LRP2: variants seen among roughly 807,000 people sequenced by gnomAD.
LRP2 encodes the protein LDL receptor related protein 2.
In LRP2, 172 loss-of-function variants were observed where a neutral mutation model predicts 531.0. That is an observed-to-expected ratio of 0.32 (90% CI 0.29 to 0.37). LRP2 has a LOEUF of 0.37. LRP2 is among the 10% of genes least tolerant of loss of function. The probability of loss-of-function intolerance (pLI) is 1.00; values close to 1 mark genes in which losing one functional copy is unlikely to be tolerated. For missense variants in LRP2, 5,167 were observed against 5,868.3 expected (o/e 0.88, Z 3.90); for synonymous variants, 1,992 against 2,027.6 (o/e 0.98, Z 0.47).
intron 53 of LRP2, among the ~76,000 whole-genome samples, chr2:169,176,797 A>G (rs994232299): frequency 2.6e-5 from 4 of 152,226 alleles, no homozygotes; most frequent in African/African-American, 9.6e-5. Context: ...GCTCATTTAT[A>G]TGCTACCAGA....
chr2:169,154,732 C>T, intron 65 of LRP2, 129 bp from the exon 66 acceptor site: 1 of 808,672 alleles, frequency 1.2e-6, no homozygotes, highest in Non-Finnish European at 2.1e-6. Flanking sequence ...ATCTGACTAT[C>T]TCTGTTAATC....
intron 72 of LRP2, among the ~76,000 whole-genome samples, chr2:169,140,015 C>G (rs1224842373): frequency 6.6e-6 from 1 of 152,220 alleles, no homozygotes; most frequent in Non-Finnish European, 1.5e-5. Context: ...CATCTTCTTT[C>G]CGAATCCATC....
chr2:169,327,907 C>T, intron 1 of LRP2, among the ~76,000 whole-genome samples: 1 of 94,414 alleles, frequency 1.1e-5, no homozygotes, highest in Non-Finnish European at 2.2e-5. Flanking sequence ...CCCCGCCCGG[C>T]CAGCCGCCCC....
At chr2:169,210,305 G>C (rs1688549616) in intron 37 of LRP2, among the ~76,000 whole-genome samples, 1 of 151,778 alleles carries the variant, frequency 6.6e-6, no homozygotes, top group African/African-American at 2.4e-5. Context: ...CCAAAATTAA[G>C]AAGGAAAAAA....
At chr2:169,257,441 G>C (rs926468903) in intron 17 of LRP2, among the ~76,000 whole-genome samples, 192 bp from the exon 18 acceptor site, 1 of 152,022 alleles carries the variant, frequency 6.6e-6, no homozygotes, top group Non-Finnish European at 1.5e-5. Flanking sequence ...TGTAACCAAA[G>C]TCACAAATAC....
rs1574088087 is a variant in LRP2, at chr2:169,165,990, A to G, written c.11700T>C (p.His3900=). The change falls in exon 62 of 79, where the codon CAT becomes CAC. Residue 3900 remains histidine, a synonymous_variant. Coordinates refer to ENST00000649046, the MANE Select transcript of LRP2 (RefSeq NM_004525.3). ...RCDNNRCIYS[H]EVCNGVDDCG... is the part of the protein sequence containing the mutation. ...AGTCATCCACACCATTGCACACCTCATGACTATAAATGCAGCGATTGTTGT... is the reference window on the plus strand; with the variant it reads ...AGTCATCCACACCATTGCACACCTCGTGACTATAAATGCAGCGATTGTTGT... The G allele has an allele frequency of 6.2e-7, 1 of 1,612,548 alleles. No homozygotes were observed. Among genetic ancestry groups the G allele is most frequent in the Non-Finnish European group, 8.5e-7 (1 of 1,178,598 alleles).
At chr2:169,136,957 T>C (rs558664887) in intron 76 of LRP2, among the ~76,000 whole-genome samples, 13 of 152,228 alleles carry the variant, frequency 8.5e-5, no homozygotes, top group Non-Finnish European at 1.8e-4. Context: ...AACCACATGC[T>C]TGGGATAGCA....
intron 66 of LRP2, among the ~76,000 whole-genome samples, chr2:169,153,928 G>C (rs1309330718): frequency 6.6e-6 from 1 of 152,198 alleles, no homozygotes; most frequent in Non-Finnish European, 1.5e-5. Context: ...TAGGCATTTA[G>C]AGATAAATTA....
chr2:169,278,395 G>C (rs113568043), intron 12 of LRP2, among the ~76,000 whole-genome samples: 5,615 of 152,048 alleles, frequency 0.037, 230 homozygotes, highest in African/African-American at 0.11. Context: ...GAGGTGGGAG[G>C]ATTGCTTGAG....
intron 13 of LRP2, 86 bp from the exon 14 acceptor site, chr2:169,275,324 T>A: frequency 1.0e-6 from 1 of 987,778 alleles, no homozygotes; most frequent in Non-Finnish European, 1.6e-6. Context: ...ATTAAATGCC[T>A]GAAAAGCTAA....
At chr2:169,169,381 G>C (rs892672710) in intron 60 of LRP2, among the ~76,000 whole-genome samples, 1 of 152,118 alleles carries the variant, frequency 6.6e-6, no homozygotes, top group Admixed American at 6.5e-5. Flanking sequence ...TAATGTATTC[G>C]TTGCTTGAAT....
chr2:169,236,157 T>A, intron 28 of LRP2, 89 bp from the exon 29 acceptor site: 1 of 946,202 alleles, frequency 1.1e-6, no homozygotes, highest in Non-Finnish European at 1.7e-6. Flanking sequence ...ATCCTGTTTA[T>A]GCCCTGCTTA....
Position 169,243,386 on chromosome 2 carries a change from G to T in LRP2, c.3550+17C>A. 1.9e-6 allele frequency: 3 copies of T among 1,613,688 alleles called. No individual in the cohort carries two copies. The highest frequency in any genetic ancestry group is 2.5e-6 in the Non-Finnish European group (3 of 1,179,798). The stretch of plus-strand genomic sequence containing the variant: ...CTAAATAAACATTGTGAATAAAAAA[G>T]AAGGCAATGCACTTACCACAACCAA... On this transcript the variant is annotated intron_variant, in intron 23 of 78. Transcript: ENST00000649046.
intron 18 of LRP2, 62 bp downstream of exon 18, chr2:169,257,062 G>C: frequency 2.5e-6 from 4 of 1,598,860 alleles, no homozygotes; most frequent in Non-Finnish European, 3.4e-6. Flanking sequence ...CACCCAACCT[G>C]CCTCATTATG....
At position 169,233,475 on chromosome 2, in the gene LRP2, A is replaced by G. The variant is rs754908726; in HGVS notation, c.5034T>C (p.Val1678=). ...ANKWHGGNQS[V]VMYNIQWPLG... ...GGGGCCATTGAATATTATACATTAC[A>G]ACTGACTGGTTCCCTCCATGCCACT... Residue 1678 remains valine (V), a synonymous_variant, in exon 30 of 79, where the codon GTT becomes GTC. Transcript: ENST00000649046. 8.7e-6 allele frequency: 14 copies of G among 1,614,186 alleles called. No homozygotes were observed. The East Asian group carries it at 2.2e-4, about 26-fold the overall frequency.
chr2:169,236,613 CA>C (rs1488230841), intron 28 of LRP2, among the ~76,000 whole-genome samples: 1 of 152,054 alleles, frequency 6.6e-6, no homozygotes, highest in East Asian at 1.9e-4. Flanking sequence ...CAAAGATTTC[CA>C]AACACATGGG....
chr2:169,320,138 C>T (rs1033418296), intron 2 of LRP2, among the ~76,000 whole-genome samples: 12 of 152,132 alleles, frequency 7.9e-5, no homozygotes, highest in African/African-American at 2.7e-4. Flanking sequence ...CTTAACTTCT[C>T]CGAGTCTCAA....
At chr2:169,337,041 C>T (rs2105549530) in intron 1 of LRP2, among the ~76,000 whole-genome samples, 1 of 152,258 alleles carries the variant, frequency 6.6e-6, no homozygotes, top group African/African-American at 2.4e-5. Context: ...CCCACCTCCG[C>T]CTGACTTCCC....
At chr2:169,205,685 G>T in intron 40 of LRP2, 48 bp from the exon 41 acceptor site, 10 of 1,485,338 alleles carry the variant, frequency 6.7e-6, no homozygotes, top group Non-Finnish European at 9.3e-6. Context: ...GAACCTCATA[G>T]TCCTTTAAAA....
Sources: gnomAD v4.1 joint callset for allele counts (sites outside exome capture counted in the v4.1 genomes callset) on GRCh38, gnomAD v4.1.1 for gene constraint, MANE v1.5 for transcripts, NCBI Gene and HGNC (gene_info 2026-07-23, HGNC 2026-07-21) for gene names.